The following GTF2IRD2B variants were observed in gnomAD, a reference collection of about 807,000 sequenced individuals.
GTF2IRD2B encodes the protein general transcription factor II-I repeat domain-containing protein 2B.
Under a neutral mutation model 55.6 loss-of-function variants are expected in GTF2IRD2B, and 10 were observed. The observed-to-expected ratio is 0.18, with a 90% CI of 0.11 to 0.31. GTF2IRD2B has a LOEUF of 0.31. GTF2IRD2B is among the 10% of genes least tolerant of loss of function. The probability of loss-of-function intolerance (pLI) is 1.00; values close to 1 mark genes in which losing one functional copy is unlikely to be tolerated. For synonymous variants in GTF2IRD2B, 107 were observed against 320.5 expected (o/e 0.33, Z 7.12); for missense variants, 206 against 802.7 (o/e 0.26, Z 8.98).
chr7:75,115,586 G>C (rs1313585057), intron 3 of GTF2IRD2B, among the ~76,000 whole-genome samples: 2 of 72,100 alleles, frequency 2.8e-5, no homozygotes, highest in African/African-American at 1.0e-4. Context: ...ACCATGCCCA[G>C]CTAATTTTTT....
chr7:75,105,065 C>T (rs1319834783), intron 1 of GTF2IRD2B, among the ~76,000 whole-genome samples: 1 of 152,306 alleles, frequency 6.6e-6, no homozygotes, highest in Non-Finnish European at 1.5e-5. Flanking sequence ...GGTGTGGTGG[C>T]ATGCACCTGT....
intron 10 of GTF2IRD2B, 125 bp downstream of exon 10, chr7:75,135,182 G>T: frequency 1.8e-6 from 1 of 549,412 alleles, no homozygotes; most frequent in Non-Finnish European, 3.0e-6. Context: ...CACCCAGGCT[G>T]GAGTGCAGTG....
At chr7:75,092,844 G>C (rs1162216015) in intron 1 of GTF2IRD2B, 79 bp downstream of exon 1, 4 of 153,208 alleles carry the variant, frequency 2.6e-5, no homozygotes, top group African/African-American at 7.2e-5. Flanking sequence ...TCCTCCTCCT[G>C]AGGGCCTGGG....
chr7:75,127,017 ACAAAAAC>A (rs1808534409), intron 8 of GTF2IRD2B, among the ~76,000 whole-genome samples: 3 of 87,468 alleles, frequency 3.4e-5, no homozygotes, highest in East Asian at 2.9e-3. Context: ...AAAAACAAAA[ACAAAAAC>A]AAAAAAAACA....
At chr7:75,119,055 G>A (rs1808266588) in intron 3 of GTF2IRD2B, among the ~76,000 whole-genome samples, 2 of 141,100 alleles carry the variant, frequency 1.4e-5, no homozygotes, top group South Asian at 2.4e-4. Context: ...TTAGCCGGGG[G>A]CGGTGGTGCA....
chr7:75,115,239 G>T (rs1199764127), intron 3 of GTF2IRD2B, among the ~76,000 whole-genome samples: 2 of 148,984 alleles, frequency 1.3e-5, no homozygotes, highest in Non-Finnish European at 3.0e-5. Flanking sequence ...TAAATATTTG[G>T]TCAAGTGTTT....
rs782269169 is a variant in GTF2IRD2B at position 75,149,130 on chromosome 7, TGG to T, written c.2686_2687del (p.Gly896Ter). ...VGIPEFYKYL[W>X]GSYPKYKHHC... The stretch of plus-strand genomic sequence containing the variant: ...AATACCAGAATTCTACAAGTACCTC[TGG>T]GGTAGCTACCCGAAATACAAGCACC... On this transcript the variant is annotated frameshift_variant, in exon 16 of 16. Coordinates refer to ENST00000472837, the MANE Select transcript of GTF2IRD2B (RefSeq NM_001003795.3). LOFTEE classifies it high-confidence loss of function. The T allele has an allele frequency of 2.8e-6, 2 of 707,514 alleles. No individual in the cohort carries two copies. Among genetic ancestry groups the T allele is most frequent in the African/African-American group, 3.7e-5 (2 of 54,172 alleles). 43.8% of individuals were successfully genotyped at this position (707,514 alleles called of 1,614,324 possible). A position where few individuals can be genotyped will look rare whatever the true frequency, so the allele number is the denominator to read the frequency against.
rs1245126114 is a variant in GTF2IRD2B, at chr7:75,148,269, A to G, written c.1822A>G (p.Ile608Val). The part of the protein sequence containing the change: ...RVEKSLKKFC[I>V]NWSRLVSVAS... ...TGAGAAGAGCCTGAAAAAGTTCTGT[A>G]TCAACTGGTCGAGATTAGTAAGCGT... The change falls in exon 16 of 16, where the codon ATC becomes GTC. Residue 608 changes from isoleucine to valine, a missense_variant. By Grantham distance (29) the Ile-to-Val change is conservative. Coordinates refer to ENST00000472837, the MANE Select transcript of GTF2IRD2B (RefSeq NM_001003795.3). The G allele has an allele frequency of 8.7e-6, 14 of 1,613,640 alleles. No homozygotes were observed. The highest frequency in any genetic ancestry group is 1.0e-5 in the Non-Finnish European group (12 of 1,179,846).
rs1355819133 is a variant in GTF2IRD2B, at chr7:75,115,427, T to A, written c.238+2892T>A. On this transcript the variant is annotated intron_variant, in intron 3 of 15. Transcript: ENST00000472837. ...TTGGTGTTCCATATGAATTTTTTTT[T>A]ATTTTTTTTTTTTTGAGACAGAATC... Among the ~76,000 whole-genome samples the A allele has an allele frequency of 1.0e-4, 15 of 146,414 alleles. No homozygotes were observed. In the South Asian group the frequency reaches 1.1e-3, roughly 11 times the overall value.
chr7:75,148,145 C>T lies in GTF2IRD2B; in HGVS notation c.1698C>T (p.Phe566=). The change falls in exon 16 of 16, where the codon TTC becomes TTT. Residue 566 remains phenylalanine (F), a synonymous_variant. Transcript: ENST00000472837. ...DINNTTQLAI[F]IRGVDENFDV... ...ATAATACCACCCAGTTGGCCATATT[C>T]ATCCGTGGTGTCGATGAGAATTTCG... 1 of 1,613,342 alleles carries T rather than the reference C, an allele frequency of 6.2e-7. No homozygotes were observed. The highest frequency in any genetic ancestry group is 8.5e-7 in the Non-Finnish European group (1 of 1,179,534).
intron 4 of GTF2IRD2B, among the ~76,000 whole-genome samples, chr7:75,121,800 G>T (rs1808380286): frequency 7.6e-6 from 1 of 131,928 alleles, no homozygotes; most frequent in Non-Finnish European, 1.6e-5. Context: ...TCGCTCTGTT[G>T]CCCGGGCTGG....
chr7:75,123,350 T>C (rs1554452184), intron 5 of GTF2IRD2B, 31 bp downstream of exon 5: 3 of 779,420 alleles, frequency 3.8e-6, no homozygotes, highest in Non-Finnish European at 5.9e-6. Context: ...GCCCCTTCAG[T>C]TCATTTAAAG....
intron 1 of GTF2IRD2B, among the ~76,000 whole-genome samples, chr7:75,102,125 C>T (rs1270528760): frequency 2.0e-5 from 3 of 150,886 alleles, no homozygotes; most frequent in African/African-American, 7.3e-5. Context: ...GCCTCAGCCT[C>T]CCGAGTAGCT....
chr7:75,111,280 C>CT (rs1807968427), intron 2 of GTF2IRD2B, among the ~76,000 whole-genome samples: 1 of 44,658 alleles, frequency 2.2e-5, no homozygotes, highest in African/African-American at 5.3e-5. Context: ...GACCCTCTCT[C>CT]AAATAATAAT....
intron 1 of GTF2IRD2B, among the ~76,000 whole-genome samples, chr7:75,105,066 A>G (rs1359282632): frequency 6.6e-6 from 1 of 151,282 alleles, no homozygotes; most frequent in South Asian, 2.1e-4. Flanking sequence ...GTGTGGTGGC[A>G]TGCACCTGTA....
Position 75,149,480 on chromosome 7 carries a change from G to A in GTF2IRD2B, c.*183G>A, listed in dbSNP as rs1386326028. ...ACTGCAACTTCCAGCTCCTGGGTTC[G>A]AACGATTCTCCTGCCTCAGCCTCCC... On this transcript the variant is annotated 3_prime_UTR_variant, in exon 16 of 16. Transcript: ENST00000472837. The A allele has an allele frequency of 1.5e-5, 9 of 586,328 alleles. No homozygotes were observed. The highest frequency in any genetic ancestry group is 4.5e-4 in the Middle Eastern group (1 of 2,206). The allele number at this position is 586,328 out of a possible 1,614,324, so 36.3% of individuals were successfully genotyped here. A position where few individuals can be genotyped will look rare whatever the true frequency, so the allele number is the denominator to read the frequency against.
intron 1 of GTF2IRD2B, among the ~76,000 whole-genome samples, chr7:75,105,214 A>AAAC (rs1159897676): frequency 6.6e-6 from 1 of 152,264 alleles, no homozygotes; most frequent in African/African-American, 2.4e-5. Flanking sequence ...AACAAAAAAA[A>AAAC]AACAACAGAC....
chr7:75,104,505 A>G (rs143516670), intron 1 of GTF2IRD2B, among the ~76,000 whole-genome samples: 23,475 of 141,334 alleles, frequency 0.17, 469 homozygotes, highest in Middle Eastern at 0.25. Flanking sequence ...CTAGGCAAAA[A>G]TTGTCCTGGT....
chr7:75,107,351 G>A (rs1409657360), intron 1 of GTF2IRD2B, among the ~76,000 whole-genome samples: 2 of 152,020 alleles, frequency 1.3e-5, no homozygotes, highest in African/African-American at 4.8e-5. Context: ...TGAGGTGGGC[G>A]GATCACGAGG....
Sources: allele counts gnomAD v4.1 joint callset (sites outside exome capture counted in the v4.1 genomes callset), GRCh38; gene constraint gnomAD v4.1.1; transcripts MANE v1.5; gene names NCBI Gene and HGNC (gene_info 2026-07-23, HGNC 2026-07-21).